ERCC6: variants seen among roughly 807,000 people sequenced by gnomAD.
ERCC6 encodes DNA excision repair protein ERCC-6.
In ERCC6, 116 loss-of-function variants were observed where a neutral mutation model predicts 158.7. The observed-to-expected ratio is 0.73, with a 90% CI of 0.63 to 0.85. ERCC6 has a LOEUF of 0.85. ERCC6 is among the 40% of genes least tolerant of loss of function. ERCC6 has a pLI of 0.00. For missense variants in ERCC6, 1,698 were observed against 1,799.4 expected (o/e 0.94, Z 1.02); for synonymous variants, 678 against 659.3 (o/e 1.03, Z -0.43).
At chr10:49,539,155 C>T (rs1837680061), upstream of ERCC6, 1 of 152,296 alleles carries the variant, frequency 6.6e-6, no homozygotes, top group Non-Finnish European at 1.5e-5. Flanking sequence ...TTTTTAAGCA[C>T]GGGCAAGACC....
At chr10:49,464,755 C>T (rs940330847) in intron 18 of ERCC6, among the ~76,000 whole-genome samples, 1 of 152,208 alleles carries the variant, frequency 6.6e-6, no homozygotes, top group African/African-American at 2.4e-5. Flanking sequence ...AAGCCCCAAG[C>T]CTTGGGAGCT....
At chr10:49,527,864 A>G (rs929588356) in intron 4 of ERCC6, among the ~76,000 whole-genome samples, 6 of 152,068 alleles carry the variant, frequency 3.9e-5, no homozygotes, top group African/African-American at 1.4e-4. Flanking sequence ...ACACACACAT[A>G]CACACACACA....
chr10:49,478,391 A>G lies in ERCC6; in HGVS notation c.2249T>C (p.Val750Ala). Residue 750 changes from valine to alanine, a missense_variant, in exon 11 of 21, where the codon GTC (valine) becomes GCC (alanine). Transcript: ENST00000355832. ...ATCTGGCAAAGAAAGGCTCATCTTG[A>G]CATCTGACTTCATTCTCCGCAGTAG... is the stretch of plus-strand genomic sequence containing the variant. ...PYLLRRMKSDVKMSLSLPDKN... is the reference protein window; with the variant it reads ...PYLLRRMKSDAKMSLSLPDKN... 1.9e-6 allele frequency: 3 copies of G among 1,613,792 alleles called. No homozygotes were observed. Among genetic ancestry groups the G allele is most frequent in the Non-Finnish European group, 2.5e-6 (3 of 1,179,712 alleles).
intron 8 of ERCC6, among the ~76,000 whole-genome samples, chr10:49,484,048 G>A (rs1278371828): frequency 6.6e-6 from 1 of 151,824 alleles, no homozygotes; most frequent in Non-Finnish European, 1.5e-5. Context: ...GGAGGCTGAG[G>A]TGGGTGGATT....
intron 7 of ERCC6, among the ~76,000 whole-genome samples, chr10:49,497,417 A>T (rs1207655481): frequency 6.6e-6 from 1 of 152,182 alleles, no homozygotes. Flanking sequence ...GTTATACAGT[A>T]TTTTTTTCTC....
Position 49,463,492 on chromosome 10 carries a change from T to A in ERCC6, c.3779-1936A>T, listed in dbSNP as rs946572936. 8.3e-4 allele frequency among the ~76,000 whole-genome samples: 127 copies of A among 152,178 alleles called. 2 individuals are homozygous for A. Among genetic ancestry groups the A allele is most frequent in the Admixed American group, 2.6e-3 (39 of 15,294 alleles). ...GCTGTCAGGATATATGAAGTTTTTT[T>A]AAAAAAAGGAACAGAAGATAATATA... is the stretch of plus-strand genomic sequence containing the variant. On this transcript the variant is annotated intron_variant, in intron 18 of 20. Transcript: ENST00000355832.
intron 5 of ERCC6, chr10:49,516,574 T>G: frequency 6.2e-7 from 1 of 1,613,938 alleles, no homozygotes; most frequent in Non-Finnish European, 8.5e-7. Context: ...AGAAAACATT[T>G]GAATTCAGAG....
intron 2 of ERCC6, among the ~76,000 whole-genome samples, chr10:49,532,109 T>C (rs375330165): frequency 1.3e-5 from 2 of 152,152 alleles, no homozygotes; most frequent in African/African-American, 4.8e-5. Flanking sequence ...AATGCAAATC[T>C]GAAAAATTGC....
intron 6 of ERCC6, chr10:49,504,905 G>C (rs1180654565): frequency 3.3e-5 from 5 of 152,106 alleles, no homozygotes; most frequent in Non-Finnish European, 7.4e-5. Context: ...CCCCAATGGA[G>C]AGAAAAATTA....
intron 4 of ERCC6, among the ~76,000 whole-genome samples, chr10:49,526,117 T>TATATTTATTTATATATTTATATATATA (rs1837326508): frequency 2.3e-5 from 1 of 43,592 alleles, no homozygotes; most frequent in African/African-American, 8.6e-5. Flanking sequence ...TTATATATTT[T>TATATTTATTTATATATTTATATATATA]TATATATATA....
chr10:49,497,606 C>A (rs1851289069), intron 7 of ERCC6, among the ~76,000 whole-genome samples: 1 of 152,128 alleles, frequency 6.6e-6, no homozygotes, highest in African/African-American at 2.4e-5. Context: ...GATCTAGGAG[C>A]AGACCTAGAC....
chr10:49,458,712 A>C lies in ERCC6; in HGVS notation c.*103T>G. ...GTAGACATCATGCAAACAAACATCA[A>C]GTGCAGCCAACTTCCATTGACAAAC... is the stretch of plus-strand genomic sequence containing the variant. On this transcript the variant is annotated 3_prime_UTR_variant, in exon 21 of 21. Transcript: ENST00000355832. 1.7e-6 allele frequency: 2 copies of C among 1,168,140 alleles called. No individual in the cohort carries two copies. Among genetic ancestry groups the C allele is most frequent in the Non-Finnish European group, 2.5e-6 (2 of 791,714 alleles). The allele number at this position is 1,168,140 out of a possible 1,614,324, so 72.4% of individuals were successfully genotyped here. A position where few individuals can be genotyped will look rare whatever the true frequency, so the allele number is the denominator to read the frequency against.
intron 9 of ERCC6, 92 bp downstream of exon 9, chr10:49,483,254 A>T: frequency 7.6e-7 from 1 of 1,322,232 alleles, no homozygotes; most frequent in Non-Finnish European, 1.1e-6. Context: ...ACAAGGAAAG[A>T]TTCAATAAAT....
At chr10:49,451,559 T>C (rs1355276230), downstream of ERCC6, among the ~76,000 whole-genome samples, 3 of 152,214 alleles carry the variant, frequency 2.0e-5, no homozygotes, top group South Asian at 4.1e-4. Flanking sequence ...TATATTGATA[T>C]AATGTATTAC....
intron 8 of ERCC6, among the ~76,000 whole-genome samples, chr10:49,492,349 G>A (rs770727532): frequency 2.8e-4 from 42 of 152,300 alleles, no homozygotes; most frequent in Admixed American, 7.2e-4. Context: ...CTAAGAGACT[G>A]CTGCTTCTCC....
intron 14 of ERCC6, 119 bp from the exon 15 acceptor site, chr10:49,473,147 T>A (rs1850811652): frequency 7.3e-7 from 1 of 1,377,248 alleles, no homozygotes; most frequent in African/African-American, 1.4e-5. Context: ...TAAGGAATGG[T>A]AATGTCCTAG....
intron 2 of ERCC6, among the ~76,000 whole-genome samples, chr10:49,532,103 C>A (rs1160104627): frequency 1.3e-5 from 2 of 152,144 alleles, no homozygotes; most frequent in Non-Finnish European, 2.9e-5. Context: ...TCTAAAAATG[C>A]AAATCTGAAA....
intron 7 of ERCC6, among the ~76,000 whole-genome samples, chr10:49,499,566 C>T (rs756184371): frequency 7.2e-5 from 11 of 152,194 alleles, no homozygotes; most frequent in Non-Finnish European, 1.6e-4. Flanking sequence ...GGGCACACCC[C>T]TCTAGCAACT....
At chr10:49,510,460 A>G (rs1851514353) in intron 5 of ERCC6, among the ~76,000 whole-genome samples, 1 of 152,096 alleles carries the variant, frequency 6.6e-6, no homozygotes, top group African/African-American at 2.4e-5. Context: ...TCACTCATGC[A>G]GCACCACCAT....
Sources: allele counts gnomAD v4.1 joint callset (sites outside exome capture counted in the v4.1 genomes callset), GRCh38; gene constraint gnomAD v4.1.1; transcripts MANE v1.5; gene names NCBI Gene and HGNC (gene_info 2026-07-23, HGNC 2026-07-21).